The following ZNF385D variants were observed in gnomAD, a reference collection of about 807,000 sequenced individuals.
ZNF385D encodes the protein zinc finger protein 659.
Under a neutral mutation model 35.8 loss-of-function variants are expected in ZNF385D, and 15 were observed. The observed-to-expected ratio is 0.42, with a 90% CI of 0.28 to 0.64. The LOEUF is 0.64. Ranked by LOEUF, ZNF385D falls within the 30% of genes least tolerant of loss-of-function variation. The pLI is 0.23. For missense variants in ZNF385D, 474 were observed against 494.6 expected, an observed-to-expected ratio of 0.96 and a Z score of 0.39; for synonymous variants, 212 against 186.8, an observed-to-expected ratio of 1.13 and a Z score of -1.10.
At chr3:22,232,719 C>T (rs1156449342) in intron 2 of ZNF385D, among the ~76,000 whole-genome samples, 1 of 152,156 alleles carries the variant, frequency 6.6e-6, no homozygotes, top group East Asian at 1.9e-4. Flanking sequence ...GAGATGAACT[C>T]ATCCTTTTTA....
intron 4 of ZNF385D, among the ~76,000 whole-genome samples, chr3:21,441,253 A>G (rs1481284130): frequency 3.3e-5 from 5 of 152,184 alleles, no homozygotes; most frequent in Admixed American, 3.3e-4. Context: ...GAATAAATTA[A>G]TAATAGCTAA....
In ZNF385D at chr3:21,901,707, C is replaced by T. The variant is rs560468345; in HGVS notation, c.326-236679G>A. On this transcript the variant is annotated intron_variant, in intron 3 of 5. Coordinates refer to the ZNF385D transcript ENST00000494108. ...ATACTTTATTTAGCACCAAAGCTTA[C>T]GTGTTCGACCAATGTATTAACTTGC... Among the ~76,000 whole-genome samples the T allele has an allele frequency of 1.7e-4, 26 of 152,220 alleles. No homozygotes were observed. The South Asian group carries it at 5.0e-3, about 29-fold the overall frequency.
chr3:21,879,798 T>C (rs1399120948), intron 3 of ZNF385D, among the ~76,000 whole-genome samples: 1 of 151,986 alleles, frequency 6.6e-6, no homozygotes. Flanking sequence ...TATATAACAC[T>C]ACAGTTGGTT....
intron 3 of ZNF385D, among the ~76,000 whole-genome samples, chr3:21,870,459 C>T (rs761806261): frequency 8.9e-4 from 135 of 152,160 alleles, no homozygotes; most frequent in Non-Finnish European, 1.5e-3. Context: ...ACAAATCAAT[C>T]CTTGCGGCTA....
chr3:22,221,873 A>G (rs1698276133), intron 2 of ZNF385D, among the ~76,000 whole-genome samples: 1 of 152,218 alleles, frequency 6.6e-6, no homozygotes, highest in South Asian at 2.1e-4. Flanking sequence ...AAATATTTCT[A>G]TGACAGAGTA....
At chr3:22,010,169 G>T (rs1040529476) in intron 3 of ZNF385D, among the ~76,000 whole-genome samples, 1 of 152,056 alleles carries the variant, frequency 6.6e-6, no homozygotes, top group Non-Finnish European at 1.5e-5. Context: ...TATGAAAAAA[G>T]TATATGTTTT....
At chr3:22,161,264 A>T (rs1476896770) in intron 3 of ZNF385D, among the ~76,000 whole-genome samples, 2 of 152,098 alleles carry the variant, frequency 1.3e-5, no homozygotes, top group Non-Finnish European at 2.9e-5. Flanking sequence ...AAAACTGTAC[A>T]AACAATATTT....
At chr3:21,683,713 G>A (rs1455028764) in intron 1 of ZNF385D, among the ~76,000 whole-genome samples, 1 of 150,122 alleles carries the variant, frequency 6.7e-6, no homozygotes, top group South Asian at 2.1e-4. Flanking sequence ...GCAACAGAAG[G>A]ATTCAATGTG....
chr3:22,340,708 C>T (rs888027069), intron 2 of ZNF385D, among the ~76,000 whole-genome samples: 6 of 152,146 alleles, frequency 3.9e-5, no homozygotes, highest in Non-Finnish European at 8.8e-5. Flanking sequence ...AATACAAGTA[C>T]ATGATAGGAC....
At chr3:21,721,881 C>A (rs1230878591) in intron 1 of ZNF385D, among the ~76,000 whole-genome samples, 1 of 152,052 alleles carries the variant, frequency 6.6e-6, no homozygotes, top group Non-Finnish European at 1.5e-5. Context: ...GGGTGGATCA[C>A]CTGAGGTCAG....
In ZNF385D at chr3:22,243,989, T is replaced by C. The variant is rs551036432; in HGVS notation, c.107-74954A>G. On this transcript the variant is annotated intron_variant, in intron 2 of 5. Transcript: ENST00000494108. Reference sequence around the variant, plus strand: ...TAAGTGACTAGAAATTTATGGTCTATGACAACAGTCAACCTTTCAATTTAG... The same window carrying C: ...TAAGTGACTAGAAATTTATGGTCTACGACAACAGTCAACCTTTCAATTTAG... 2.0e-5 allele frequency among the ~76,000 whole-genome samples: 3 copies of C among 151,056 alleles called. 1 individual carries two copies. Among genetic ancestry groups the C allele is most frequent in the South Asian group, 4.3e-4 (2 of 4,618 alleles).
chr3:21,811,364 C>G (rs909402333), intron 3 of ZNF385D, among the ~76,000 whole-genome samples: 1 of 151,800 alleles, frequency 6.6e-6, no homozygotes, highest in Non-Finnish European at 1.5e-5. Flanking sequence ...ATTCAAGAGA[C>G]CAGAATATAG....
At chr3:21,969,407 C>A (rs1703106127) in intron 3 of ZNF385D, among the ~76,000 whole-genome samples, 1 of 152,162 alleles carries the variant, frequency 6.6e-6, no homozygotes, top group Non-Finnish European at 1.5e-5. Context: ...CTTTGCTCGG[C>A]ACTTTTCCTT....
chr3:22,362,372 A>T (rs1696452461), intron 2 of ZNF385D, among the ~76,000 whole-genome samples: 1 of 152,104 alleles, frequency 6.6e-6, no homozygotes, highest in Non-Finnish European at 1.5e-5. Context: ...CTAATAAAAA[A>T]TTGTTACAGA....
chr3:21,602,512 A>ATTTTTTTTT lies in ZNF385D; in HGVS notation c.166-37829_166-37828insAAAAAAAAA, dbSNP rs199882061. On this transcript the variant is annotated intron_variant, in intron 2 of 7. Transcript: ENST00000281523. ...GAATTTAGGTCTCCTGTTTCCCTGCATTTTCTTTTTTTTTTTTTTTTTTTT... is the reference window on the plus strand; with the variant it reads ...GAATTTAGGTCTCCTGTTTCCCTGCATTTTTTTTTTTTTCTTTTTTTTTTTTTTTTTTTT... Among the ~76,000 whole-genome samples, 25 of 90,178 alleles carry ATTTTTTTTT rather than the reference A, an allele frequency of 2.8e-4. 1 individual carries two copies. The highest frequency in any genetic ancestry group is 4.7e-4 in the African/African-American group (8 of 17,140). 59.2% of individuals were successfully genotyped at this position (90,178 alleles called of 152,430 possible).
At chr3:21,675,173 A>G (rs1160903200) in intron 1 of ZNF385D, among the ~76,000 whole-genome samples, 2 of 152,090 alleles carry the variant, frequency 1.3e-5, no homozygotes, top group African/African-American at 2.4e-5. Flanking sequence ...TTTTAGTGCA[A>G]TTAAGCTCCC....
intron 4 of ZNF385D, among the ~76,000 whole-genome samples, chr3:21,486,529 T>TA (rs1362828793): frequency 6.6e-6 from 1 of 152,062 alleles, no homozygotes; most frequent in Non-Finnish European, 1.5e-5. Context: ...CAGGTAGGGC[T>TA]AAAAAAATGC....
Position 21,984,486 on chromosome 3 carries a change from C to T in ZNF385D, c.325+184331G>A, listed in dbSNP as rs1471663943. Among the ~76,000 whole-genome samples, 335 of 133,334 alleles carry T rather than the reference C, an allele frequency of 2.5e-3. 20 individuals carry two copies. The highest frequency in any genetic ancestry group is 9.4e-3 in the African/African-American group (307 of 32,798). The allele number at this position is 133,334 out of a possible 152,430, so 87.5% of individuals were successfully genotyped here. On this transcript the variant is annotated intron_variant, in intron 3 of 5. Transcript: ENST00000494108. ...AGATCAGATAGTTGTAGGTATACGG[C>T]GTTATTTCTGAGGGCTCTGTTCTGT...
At chr3:21,565,539 C>T (rs1229569933) in intron 2 of ZNF385D, among the ~76,000 whole-genome samples, 1 of 126,686 alleles carries the variant, frequency 7.9e-6, no homozygotes, top group African/African-American at 3.4e-5. Context: ...CCACCACACC[C>T]AGCCCTTGAT....
Sources: allele counts gnomAD v4.1 joint callset (sites outside exome capture counted in the v4.1 genomes callset), GRCh38; gene constraint gnomAD v4.1.1; transcripts MANE v1.5; gene names NCBI Gene and HGNC (gene_info 2026-07-23, HGNC 2026-07-21).